Variants in GSE1 observed in about 807,000 individuals in gnomAD.
GSE1 encodes the protein Gse1 coiled-coil protein.
Under a neutral mutation model 112.6 loss-of-function variants are expected in GSE1, and 32 were observed. The observed-to-expected ratio is 0.28, with a 90% CI of 0.21 to 0.38. The LOEUF (loss-of-function observed/expected upper bound fraction) is 0.38. GSE1 is among the 10% of genes least tolerant of loss of function. GSE1 has a pLI of 1.00. For missense variants in GSE1, 2,348 were observed against 1,699.2 expected (o/e 1.38, Z -6.71); for synonymous variants, 1,115 against 735.6 (o/e 1.52, Z -8.35).
intron 1 of GSE1, among the ~76,000 whole-genome samples, chr16:85,255,971 A>G (rs1907033304): frequency 1.3e-5 from 2 of 152,102 alleles, no homozygotes; most frequent in African/African-American, 4.8e-5. Context: ...TACAGGCGTG[A>G]GCCACCACAC....
chr16:85,496,793 G>A (rs2051194531), intron 2 of GSE1, among the ~76,000 whole-genome samples: 1 of 152,240 alleles, frequency 6.6e-6, no homozygotes, highest in Non-Finnish European at 1.5e-5. Context: ...AGGACAGGCA[G>A]GGCTGTAAAG....
At chr16:85,183,381 G>C (rs551650114) in intron 1 of GSE1, among the ~76,000 whole-genome samples, 12 of 152,334 alleles carry the variant, frequency 7.9e-5, no homozygotes, top group Admixed American at 2.0e-4. Flanking sequence ...CACAGACTCT[G>C]GAGTCCAGCT....
At chr16:85,637,917 A>G (rs2050136566) in intron 2 of GSE1, among the ~76,000 whole-genome samples, 1 of 152,136 alleles carries the variant, frequency 6.6e-6, no homozygotes, top group Admixed American at 6.5e-5. Flanking sequence ...CGTCCTGGGC[A>G]GAGGGGGCAG....
intron 2 of GSE1, among the ~76,000 whole-genome samples, chr16:85,508,748 C>G (rs1453555824): frequency 6.6e-6 from 1 of 152,216 alleles, no homozygotes; most frequent in African/African-American, 2.4e-5. Flanking sequence ...TCTGTAGAGA[C>G]TGAAATTAGC....
At chr16:85,462,371 C>T (rs993206639) in intron 2 of GSE1, among the ~76,000 whole-genome samples, 2 of 152,034 alleles carry the variant, frequency 1.3e-5, no homozygotes, top group Admixed American at 6.5e-5. Flanking sequence ...CTACCCTCAG[C>T]TTGTTGGTTG....
chr16:85,432,763 G>A (rs1461358295), intron 2 of GSE1, among the ~76,000 whole-genome samples: 1 of 152,170 alleles, frequency 6.6e-6, no homozygotes, highest in South Asian at 2.1e-4. Flanking sequence ...CCAGTTGACA[G>A]ATAGGAAAAG....
At chr16:85,259,210 C>A (rs1464870663) in intron 1 of GSE1, among the ~76,000 whole-genome samples, 1 of 152,084 alleles carries the variant, frequency 6.6e-6, no homozygotes, top group African/African-American at 2.4e-5. Context: ...CCAAGGAACC[C>A]CGGTTGCCTC....
At position 85,675,945 on chromosome 16, in the gene GSE1, C is replaced by A. The variant is rs1310390253; in HGVS notation, c.*3406C>A. 1 of 152,622 alleles carries A rather than the reference C, an allele frequency of 6.6e-6. No homozygotes were observed. Among genetic ancestry groups the A allele is most frequent in the Non-Finnish European group, 1.5e-5 (1 of 68,038 alleles). The allele number at this position is 152,622 out of a possible 1,614,324, so 9.5% of individuals were successfully genotyped here. A position where few individuals can be genotyped will look rare whatever the true frequency, so the allele number is the denominator to read the frequency against. On this transcript the variant is annotated 3_prime_UTR_variant, in exon 16 of 16. Transcript: ENST00000253458. ...CTGCCTTGACCTGAGGAAGACCATG[C>A]TAACTGGTGTTATTTTGTATGTACC...
At chr16:85,226,967 A>C (rs1231692204) in intron 1 of GSE1, among the ~76,000 whole-genome samples, 1 of 151,948 alleles carries the variant, frequency 6.6e-6, no homozygotes, top group African/African-American at 2.4e-5. Context: ...GGCCATCCCC[A>C]CACCTAGGGC....
chr16:85,491,231 C>T (rs2051000602), intron 2 of GSE1, among the ~76,000 whole-genome samples: 1 of 152,232 alleles, frequency 6.6e-6, no homozygotes, highest in Non-Finnish European at 1.5e-5. Flanking sequence ...ATTCAGGCCT[C>T]TGGGTGCCAC....
intron 2 of GSE1, among the ~76,000 whole-genome samples, chr16:85,465,072 G>A (rs991729276): frequency 1.3e-5 from 2 of 152,364 alleles, no homozygotes; most frequent in African/African-American, 2.4e-5. Flanking sequence ...GTCCCACTCA[G>A]GGTCACGCCC....
chr16:85,232,554 G>T (rs940013422), intron 1 of GSE1, among the ~76,000 whole-genome samples: 1 of 152,192 alleles, frequency 6.6e-6, no homozygotes, highest in African/African-American at 2.4e-5. Context: ...ACCCTCCAGA[G>T]CCCTGGTCTC....
intron 1 of GSE1, among the ~76,000 whole-genome samples, chr16:85,282,668 A>AT (rs1324248762): frequency 1.3e-5 from 2 of 152,134 alleles, no homozygotes; most frequent in Non-Finnish European, 2.9e-5. Context: ...TCCTTGGAGG[A>AT]TTTTTATGAA....
chr16:85,398,999 GT>G (rs1192092423), intron 2 of GSE1, among the ~76,000 whole-genome samples: 1 of 152,166 alleles, frequency 6.6e-6, no homozygotes, highest in East Asian at 1.9e-4. Context: ...TGTGTACATT[GT>G]GTAAGTACTT....
chr16:85,385,579 G>A (rs1315967174), intron 2 of GSE1, among the ~76,000 whole-genome samples: 3 of 152,172 alleles, frequency 2.0e-5, no homozygotes, highest in African/African-American at 7.2e-5. Context: ...AGGGGTGTCC[G>A]CAGCCTCTGC....
chr16:85,421,092 G>C (rs946953940), intron 2 of GSE1, among the ~76,000 whole-genome samples: 8 of 152,204 alleles, frequency 5.3e-5, no homozygotes, highest in African/African-American at 1.9e-4. Flanking sequence ...GAATTGATAT[G>C]TTTGGTGTTG....
chr16:85,332,698 C>T (rs926530448), intron 1 of GSE1, among the ~76,000 whole-genome samples: 6 of 152,274 alleles, frequency 3.9e-5, no homozygotes, highest in Non-Finnish European at 5.9e-5. Flanking sequence ...GCTTTTCCCA[C>T]GCTGGATTTG....
intron 2 of GSE1, among the ~76,000 whole-genome samples, chr16:85,434,467 A>T (rs928883652): frequency 9.9e-5 from 15 of 152,258 alleles, no homozygotes; most frequent in African/African-American, 3.4e-4. Flanking sequence ...CATGTTACAG[A>T]TGAGGAAATT....
intron 2 of GSE1, among the ~76,000 whole-genome samples, chr16:85,399,553 C>T (rs1304979636): frequency 6.6e-6 from 1 of 152,222 alleles, no homozygotes; most frequent in Non-Finnish European, 1.5e-5. Flanking sequence ...CCCCTGCAGG[C>T]CCCTGGGTAA....
Sources: allele counts gnomAD v4.1 joint callset (sites outside exome capture counted in the v4.1 genomes callset), GRCh38; gene constraint gnomAD v4.1.1; transcripts MANE v1.5; gene names NCBI Gene and HGNC (gene_info 2026-07-23, HGNC 2026-07-21).